The following UPF2 variants were observed in gnomAD, a reference collection of about 807,000 sequenced individuals.
UPF2 encodes UPF2 regulator of nonsense mediated mRNA decay, also known as regulator of nonsense transcripts 2.
UPF2 carries 17 observed loss-of-function variants against 141.4 expected under a neutral mutation model. The ratio of observed to expected loss-of-function variants is 0.12; its 90% CI spans 0.08 to 0.18. The LOEUF (loss-of-function observed/expected upper bound fraction) is 0.18. Among genes scored for constraint, UPF2 ranks in the 10% least tolerant of loss-of-function variants. The pLI is 1.00. For synonymous variants in UPF2, 540 were observed against 498.0 expected (o/e 1.08, Z -1.12); for missense variants, 1,152 against 1,515.9 (o/e 0.76, Z 3.99).
rs1832735651 is a variant in UPF2 at position 11,928,152 on chromosome 10, A to G, written c.3809+1713T>C. 2.0e-5 allele frequency among the ~76,000 whole-genome samples: 3 copies of G among 152,170 alleles called. No homozygotes were observed. The South Asian group carries it at 6.2e-4, about 32-fold the overall frequency. The stretch of plus-strand genomic sequence containing the variant: ...GGAGTTCGAGACCAGCCTGGCCAAC[A>G]TGGTGAAACCCCATCTCTACTAAAA... On this transcript the variant is annotated intron_variant, in intron 21 of 21. Transcript: ENST00000357604.
rs762153079 is a variant in UPF2 at position 12,014,120 on chromosome 10, T to C, written c.1210A>G (p.Met404Val). 5.7e-6 allele frequency: 9 copies of C among 1,589,884 alleles called. No homozygotes were observed. Among genetic ancestry groups the C allele is most frequent in the South Asian group, 3.4e-5 (3 of 87,400 alleles). ...DRHKQYEEFA[M>V]SYQKLLANSQ... is the part of the protein sequence containing the mutation. ...TTTGCCAGCAGCTTCTGGTAAGACA[T>C]AGCAAATTCCTCATACTGTTTATGT... The change falls in exon 4 of 22, where the codon ATG becomes GTG. Residue 404 changes from methionine to valine, a missense_variant. Around this residue, in one of 4 missense-constraint regions of UPF2, gnomAD observed 739 missense variants for 1,032.2 expected, o/e 0.72. Coordinates refer to ENST00000357604, the MANE Select transcript of UPF2 (RefSeq NM_015542.4). This position sits in a 1 kb window ranked among gnomAD's most constrained non-coding sequence, Gnocchi z 5.0.
At chr10:12,039,234 A>C (rs1485955502) in intron 1 of UPF2, among the ~76,000 whole-genome samples, 1 of 152,194 alleles carries the variant, frequency 6.6e-6, no homozygotes, top group African/African-American at 2.4e-5. Flanking sequence ...AGGCCTGCAC[A>C]GCTGGTGACA....
intron 3 of UPF2, among the ~76,000 whole-genome samples, chr10:12,017,384 T>C (rs907823705): frequency 6.6e-5 from 10 of 152,310 alleles, no homozygotes; most frequent in African/African-American, 2.4e-4. Flanking sequence ...ATATAAGCAG[T>C]AGCAAGGTGA....
intron 9 of UPF2, 79 bp from the exon 10 acceptor site, chr10:11,967,533 C>A: frequency 1.2e-5 from 7 of 588,248 alleles, no homozygotes; most frequent in Non-Finnish European, 1.6e-5. Context: ...TTAATGCATT[C>A]GAATTCACTC....
chr10:12,013,230 T>A, intron 4 of UPF2, among the ~76,000 whole-genome samples: 1 of 151,876 alleles, frequency 6.6e-6, no homozygotes, highest in South Asian at 2.1e-4. Context: ...AAATATAAAT[T>A]TTTCTTTAAT....
At chr10:12,039,439 T>C (rs974040402) in intron 1 of UPF2, among the ~76,000 whole-genome samples, 2 of 152,154 alleles carry the variant, frequency 1.3e-5, no homozygotes, top group African/African-American at 4.8e-5. Flanking sequence ...GGCTGAAACA[T>C]ATGGGGACAA....
intron 14 of UPF2, among the ~76,000 whole-genome samples, 167 bp from the exon 15 acceptor site, chr10:11,952,416 C>T (rs538307828): frequency 6.6e-6 from 1 of 150,924 alleles, no homozygotes; most frequent in South Asian, 2.1e-4. Flanking sequence ...CTATTCCAAT[C>T]ATTTCCCTCT....
At position 11,933,490 on chromosome 10, in the gene UPF2, ATTAAAAT is replaced by A. The variant is rs533433942; in HGVS notation, c.3547-1715_3547-1709del. On this transcript the variant is annotated intron_variant, in intron 19 of 21. Transcript: ENST00000357604. ...ATTTAGTAATAATATATCCTTAAAA[ATTAAAAT>A]TTAAACTAAATGCTACATTTTAAGA... is the stretch of plus-strand genomic sequence containing the variant. Among the ~76,000 whole-genome samples the A allele has an allele frequency of 2.6e-3, 390 of 152,330 alleles. 1 individual carries two copies. Among genetic ancestry groups the A allele is most frequent in the African/African-American group, 8.9e-3 (369 of 41,584 alleles).
At chr10:11,924,041 AT>A (rs1832680539) in intron 21 of UPF2, among the ~76,000 whole-genome samples, 1 of 152,236 alleles carries the variant, frequency 6.6e-6, no homozygotes, top group African/African-American at 2.4e-5. Context: ...CTTGCCAAAA[AT>A]GTTAAGTTTC....
intron 3 of UPF2, among the ~76,000 whole-genome samples, chr10:12,015,226 C>T (rs7093736): frequency 0.38 from 57,637 of 151,978 alleles, 13,163 homozygotes; most frequent in Non-Finnish European, 0.51. Flanking sequence ...TTGTTATTTG[C>T]GTTTTCTTAC....
At chr10:12,031,057 C>T (rs7073578) in intron 2 of UPF2, among the ~76,000 whole-genome samples, 46,865 of 150,862 alleles carry the variant, frequency 0.31, 9,161 homozygotes, top group Non-Finnish European at 0.45. Flanking sequence ...ACCTGTAATC[C>T]CAGCTACTCA....
intron 16 of UPF2, 91 bp from the exon 17 acceptor site, chr10:11,943,259 ATTGT>A (rs982853112): frequency 1.8e-6 from 2 of 1,088,382 alleles, no homozygotes; most frequent in Admixed American, 2.4e-5. Flanking sequence ...CTTCTGTATA[ATTGT>A]TTATTATTCT....
At chr10:11,938,869 T>G (rs867071368) in intron 18 of UPF2, among the ~76,000 whole-genome samples, 6,481 of 104,426 alleles carry the variant, frequency 0.062, 142 homozygotes, top group Non-Finnish European at 0.092. Context: ...TTTTTTTTTT[T>G]TTTTTTTTTT....
chr10:11,964,458 C>T (rs942537605), intron 10 of UPF2, among the ~76,000 whole-genome samples: 1 of 152,140 alleles, frequency 6.6e-6, no homozygotes, highest in African/African-American at 2.4e-5. Context: ...ATTTATTTTC[C>T]AAAATTCTCA....
rs117179054 is a variant in UPF2 at position 11,956,949 on chromosome 10, T to C, written c.2371-426A>G. The stretch of plus-strand genomic sequence containing the variant: ...AATCCTCCCACCTCAGTCCCCCAAA[T>C]AGACTGGACTACAGGCATGCAATAG... On this transcript the variant is annotated intron_variant, in intron 12 of 21. Transcript: ENST00000357604. The surrounding 1 kb of genome is among the most constrained non-coding windows in gnomAD (Gnocchi z 4.2). Among the ~76,000 whole-genome samples the C allele has an allele frequency of 1.7e-3, 264 of 152,166 alleles. 12 individuals are homozygous for C. The East Asian group carries it at 0.046, about 26-fold the overall frequency.
chr10:12,004,784 C>A, intron 4 of UPF2, 57 bp from the exon 5 acceptor site: 1 of 1,527,576 alleles, frequency 6.5e-7, no homozygotes, highest in Non-Finnish European at 8.9e-7. Context: ...GCATGATAAA[C>A]ATGACATAAG....
intron 8 of UPF2, among the ~76,000 whole-genome samples, chr10:11,987,202 T>C (rs1174642449): frequency 6.6e-6 from 1 of 152,024 alleles, no homozygotes; most frequent in Non-Finnish European, 1.5e-5. Flanking sequence ...GGAAGAAGAG[T>C]TAGTGGAGGC....
intron 20 of UPF2, among the ~76,000 whole-genome samples, chr10:11,930,555 C>T (rs1455287888): frequency 1.3e-5 from 2 of 152,116 alleles, no homozygotes; most frequent in African/African-American, 2.4e-5. Context: ...GGCGGGAGGA[C>T]TGCTCAAGCT....
At chr10:11,976,786 G>A (rs1833512156) in intron 9 of UPF2, among the ~76,000 whole-genome samples, 1 of 152,174 alleles carries the variant, frequency 6.6e-6, no homozygotes, top group Admixed American at 6.5e-5. Flanking sequence ...GTAAGAACCA[G>A]GAGAGAATGG....
Sources: allele counts gnomAD v4.1 joint callset (sites outside exome capture counted in the v4.1 genomes callset), GRCh38; gene constraint gnomAD v4.1.1; regional missense constraint gnomAD v4.1.1; non-coding constraint Gnocchi (gnomAD v3.1); transcripts MANE v1.5; gene names NCBI Gene and HGNC (gene_info 2026-07-23, HGNC 2026-07-21).